KIAA1328: variants seen among roughly 807,000 people sequenced by gnomAD.
KIAA1328 encodes protein hinderin.
A neutral mutation model predicts 68.1 loss-of-function variants in KIAA1328; 52 were observed. The observed-to-expected ratio is 0.76, with a 90% CI of 0.61 to 0.96. The LOEUF (loss-of-function observed/expected upper bound fraction) is 0.96. KIAA1328 is among the 40% of genes least tolerant of loss of function. The pLI is 0.00. For missense variants in KIAA1328, 641 were observed against 677.6 expected, an observed-to-expected ratio of 0.95 and a Z score of 0.60; for synonymous variants, 232 against 239.4, an observed-to-expected ratio of 0.97 and a Z score of 0.28.
chr18:37,047,838 A>C (rs2055536056), intron 6 of KIAA1328, among the ~76,000 whole-genome samples: 1 of 152,138 alleles, frequency 6.6e-6, no homozygotes, highest in Non-Finnish European at 1.5e-5. Context: ...GGCACCTAGC[A>C]CAGTATCCGG....
chr18:37,121,917 A>G (rs935238500), intron 7 of KIAA1328, among the ~76,000 whole-genome samples: 1 of 152,092 alleles, frequency 6.6e-6, no homozygotes, highest in African/African-American at 2.4e-5. Flanking sequence ...AACCAAGGAT[A>G]CCCAAATAGT....
At chr18:37,194,408 G>C (rs2059964741) in intron 9 of KIAA1328, among the ~76,000 whole-genome samples, 2 of 152,088 alleles carry the variant, frequency 1.3e-5, no homozygotes, top group Admixed American at 1.3e-4. Flanking sequence ...ACTTTCCACT[G>C]TTATTAGTCT....
At chr18:37,135,326 A>G (rs993051082) in intron 7 of KIAA1328, among the ~76,000 whole-genome samples, 1 of 152,168 alleles carries the variant, frequency 6.6e-6, no homozygotes, top group African/African-American at 2.4e-5. Context: ...AGCAGTGTAT[A>G]AGTGTTCCTT....
chr18:37,136,450 TA>T (rs1283328442), intron 7 of KIAA1328, among the ~76,000 whole-genome samples: 1 of 152,210 alleles, frequency 6.6e-6, no homozygotes, highest in Non-Finnish European at 1.5e-5. Context: ...TGAATGAAAT[TA>T]AAATATGGAT....
At chr18:37,037,640 T>G (rs1214413971) in intron 6 of KIAA1328, among the ~76,000 whole-genome samples, 1 of 152,120 alleles carries the variant, frequency 6.6e-6, no homozygotes. Context: ...TCCCAGCACT[T>G]TGGGAGGCTG....
chr18:37,152,970 G>A (rs898906331), intron 7 of KIAA1328, among the ~76,000 whole-genome samples: 2 of 152,122 alleles, frequency 1.3e-5, no homozygotes, highest in Admixed American at 1.3e-4. Context: ...TGTTCAACAT[G>A]GAGGCTCCAT....
intron 5 of KIAA1328, among the ~76,000 whole-genome samples, chr18:36,894,739 G>T (rs936865456): frequency 6.6e-6 from 1 of 152,064 alleles, no homozygotes; most frequent in Non-Finnish European, 1.5e-5. Flanking sequence ...TGCTCAGGCT[G>T]GTCCCGAACT....
At chr18:36,964,033 A>G (rs2051811880) in intron 6 of KIAA1328, among the ~76,000 whole-genome samples, 2 of 152,236 alleles carry the variant, frequency 1.3e-5, no homozygotes, top group African/African-American at 4.8e-5. Context: ...CAGAGGCAGA[A>G]TGAATGAATC....
chr18:37,010,335 C>T (rs914338366), intron 6 of KIAA1328, among the ~76,000 whole-genome samples: 2 of 148,572 alleles, frequency 1.3e-5, no homozygotes, highest in South Asian at 2.1e-4. Context: ...CCCAGCTACT[C>T]GGGAGGCTGA....
chr18:36,984,709 C>A (rs919287098), intron 6 of KIAA1328, among the ~76,000 whole-genome samples: 5 of 151,910 alleles, frequency 3.3e-5, no homozygotes, highest in African/African-American at 1.2e-4. Context: ...AGATCGAGGC[C>A]ATCCTGGCCA....
At chr18:37,213,433 A>G (rs930236967) in intron 9 of KIAA1328, among the ~76,000 whole-genome samples, 1 of 152,184 alleles carries the variant, frequency 6.6e-6, no homozygotes, top group Non-Finnish European at 1.5e-5. Flanking sequence ...TTTGCTCAGA[A>G]TGATGGTTTC....
intron 7 of KIAA1328, among the ~76,000 whole-genome samples, chr18:37,152,117 A>AG (rs1491548045): frequency 2.0e-5 from 3 of 149,150 alleles, no homozygotes; most frequent in Non-Finnish European, 4.5e-5. Context: ...AAAAAAAAAA[A>AG]CAGATTAGCA....
At chr18:37,197,556 A>G in intron 9 of KIAA1328, among the ~76,000 whole-genome samples, 1 of 152,178 alleles carries the variant, frequency 6.6e-6, no homozygotes, top group East Asian at 1.9e-4. Flanking sequence ...GTACTTTGGA[A>G]GATGAGAGGG....
chr18:36,915,403 C>T (rs1028275335), intron 5 of KIAA1328, among the ~76,000 whole-genome samples: 4 of 152,048 alleles, frequency 2.6e-5, no homozygotes, highest in African/African-American at 9.7e-5. Context: ...ACTATTCTCC[C>T]GTAGGTTGGG....
intron 6 of KIAA1328, among the ~76,000 whole-genome samples, chr18:36,961,527 G>A (rs915871390): frequency 2.6e-5 from 4 of 152,098 alleles, no homozygotes; most frequent in Admixed American, 1.3e-4. Context: ...GATTCGCCAA[G>A]GATGAAATGA....
At chr18:37,111,515 T>C (rs2057929303) in intron 7 of KIAA1328, among the ~76,000 whole-genome samples, 1 of 152,210 alleles carries the variant, frequency 6.6e-6, no homozygotes, top group Non-Finnish European at 1.5e-5. Context: ...TCTTAAGCCA[T>C]ACTTAACCTT....
intron 5 of KIAA1328, among the ~76,000 whole-genome samples, chr18:36,934,611 T>C (rs531243486): frequency 6.6e-6 from 1 of 152,328 alleles, no homozygotes; most frequent in South Asian, 2.1e-4. Flanking sequence ...ATTTCCAATT[T>C]CATCCATGTC....
intron 4 of KIAA1328, among the ~76,000 whole-genome samples, chr18:36,855,710 T>C (rs1021100002): frequency 6.6e-6 from 1 of 151,992 alleles, no homozygotes; most frequent in African/African-American, 2.4e-5. Flanking sequence ...GTGTCAGATA[T>C]AAGAATCTGT....
Position 37,073,467 on chromosome 18 carries a change from C to T in KIAA1328, c.1232+5922C>T, listed in dbSNP as rs757522535. The stretch of plus-strand genomic sequence containing the variant: ...AAAACCACAATGCGATACCATCTCA[C>T]GCCAGTCAGAATGGCAATTATTAAA... On this transcript the variant is annotated intron_variant, in intron 7 of 9. Coordinates refer to ENST00000280020, the MANE Select transcript of KIAA1328 (RefSeq NM_020776.3). Among the ~76,000 whole-genome samples, 12 of 152,286 alleles carry T rather than the reference C, an allele frequency of 7.9e-5. No individual in the cohort carries two copies. The South Asian group carries it at 1.5e-3, about 18-fold the overall frequency.
Sources: gnomAD v4.1 joint callset for allele counts (sites outside exome capture counted in the v4.1 genomes callset) on GRCh38, gnomAD v4.1.1 for gene constraint, MANE v1.5 for transcripts, NCBI Gene and HGNC (gene_info 2026-07-23, HGNC 2026-07-21) for gene names.